The following DAB2IP variants were observed in gnomAD, a reference collection of about 807,000 sequenced individuals.
DAB2IP encodes the protein disabled homolog 2-interacting protein.
Under a neutral mutation model 107.2 loss-of-function variants are expected in DAB2IP, and 28 were observed. That is an observed-to-expected ratio of 0.26 (90% CI 0.19 to 0.36). The LOEUF (loss-of-function observed/expected upper bound fraction) is 0.36. Ranked by LOEUF, DAB2IP falls within the 10% of genes least tolerant of loss-of-function variation. The pLI is 1.00. For synonymous variants in DAB2IP, 755 were observed against 706.4 expected, an observed-to-expected ratio of 1.07 and a Z score of -1.09; for missense variants, 1,400 against 1,644.7, an observed-to-expected ratio of 0.85 and a Z score of 2.57.
intron 14 of DAB2IP, among the ~76,000 whole-genome samples, chr9:121,780,351 G>A (rs572735684): frequency 6.6e-6 from 1 of 152,134 alleles, no homozygotes; most frequent in South Asian, 2.1e-4. Context: ...CGCCACCACC[G>A]CTCCTCCCAG....
upstream of DAB2IP, among the ~76,000 whole-genome samples, chr9:121,647,473 C>T (rs1467628076): frequency 2.0e-5 from 3 of 152,224 alleles, no homozygotes; most frequent in African/African-American, 7.2e-5. Flanking sequence ...GGTGCCCCTG[C>T]TGACCCACCC....
At chr9:121,583,608 G>C (rs1193688478) in intron 1 of DAB2IP, among the ~76,000 whole-genome samples, 1 of 136,034 alleles carries the variant, frequency 7.4e-6, no homozygotes, top group African/African-American at 2.7e-5. Context: ...TTGCTGGCAG[G>C]CCCCTCTACA....
At chr9:121,663,808 G>A (rs376050675) in intron 1 of DAB2IP, among the ~76,000 whole-genome samples, 2 of 152,260 alleles carry the variant, frequency 1.3e-5, no homozygotes, top group Non-Finnish European at 2.9e-5. Flanking sequence ...CGCGAACTCA[G>A]CTTCCTGAGT....
chr9:121,710,651 T>G (rs1387951276), intron 3 of DAB2IP, among the ~76,000 whole-genome samples: 1 of 152,152 alleles, frequency 6.6e-6, no homozygotes, highest in Non-Finnish European at 1.5e-5. Context: ...AGCACTTCCC[T>G]TCCTCCAAGG....
intron 1 of DAB2IP, among the ~76,000 whole-genome samples, chr9:121,640,881 G>A (rs1832263017): frequency 6.6e-6 from 1 of 152,170 alleles, no homozygotes; most frequent in African/African-American, 2.4e-5. Context: ...TACTTTCTCA[G>A]GGCAATGGGG....
At chr9:121,664,817 A>G (rs1833351557) in intron 1 of DAB2IP, among the ~76,000 whole-genome samples, 2 of 152,214 alleles carry the variant, frequency 1.3e-5, no homozygotes, top group Non-Finnish European at 2.9e-5. Context: ...TCCTAGTGCT[A>G]TTGTAGAACA....
At chr9:121,614,485 C>A (rs1023507821) in intron 1 of DAB2IP, among the ~76,000 whole-genome samples, 3 of 150,446 alleles carry the variant, frequency 2.0e-5, no homozygotes, top group African/African-American at 7.3e-5. Flanking sequence ...GGATTACAGG[C>A]ATGTGCCACC....
chr9:121,679,274 A>T (rs1334968031), intron 2 of DAB2IP, among the ~76,000 whole-genome samples: 1 of 152,194 alleles, frequency 6.6e-6, no homozygotes, highest in African/African-American at 2.4e-5. Flanking sequence ...AACACAGAAT[A>T]TATATCATAG....
chr9:121,592,233 G>C (rs1009417321), intron 1 of DAB2IP, among the ~76,000 whole-genome samples: 3 of 152,134 alleles, frequency 2.0e-5, no homozygotes, highest in African/African-American at 7.2e-5. Flanking sequence ...GGGCATGGTG[G>C]TACGCACCTG....
At chr9:121,781,005 G>A (rs915086468) in intron 14 of DAB2IP, among the ~76,000 whole-genome samples, 2 of 152,222 alleles carry the variant, frequency 1.3e-5, no homozygotes, top group Non-Finnish European at 2.9e-5. Context: ...CCTGCCTTGT[G>A]AACTCCTTGA....
At chr9:121,643,524 C>T (rs182227258) in intron 1 of DAB2IP, among the ~76,000 whole-genome samples, 1 of 152,134 alleles carries the variant, frequency 6.6e-6, no homozygotes, top group Non-Finnish European at 1.5e-5. Context: ...TCCTCTGCTC[C>T]AGCCTCACCA....
intron 1 of DAB2IP, among the ~76,000 whole-genome samples, chr9:121,665,879 G>T (rs996302265): frequency 6.6e-6 from 1 of 152,200 alleles, no homozygotes; most frequent in Admixed American, 6.5e-5. Flanking sequence ...ATCTGAACCT[G>T]TATCTCTCTA....
chr9:121,783,486 C>T (rs1484602843), exon 16 of DAB2IP: 2 of 1,614,096 alleles, frequency 1.2e-6, no homozygotes, highest in South Asian at 1.1e-5. Flanking sequence ...GATTCTAACG[C>T]CTGCAGGCCC....
chr9:121,732,247 T>C (rs1195803174), intron 3 of DAB2IP, among the ~76,000 whole-genome samples: 1 of 152,212 alleles, frequency 6.6e-6, no homozygotes, highest in East Asian at 1.9e-4. Context: ...GTCTCACTGC[T>C]TGTTCGAGTA....
At chr9:121,759,388 C>T (rs971245979) in intron 5 of DAB2IP, among the ~76,000 whole-genome samples, 1 of 152,174 alleles carries the variant, frequency 6.6e-6, no homozygotes, top group Non-Finnish European at 1.5e-5. Flanking sequence ...CTCTGTGTTC[C>T]CACTGCCCCT....
Position 121,567,443 on chromosome 9 carries a change from T to C in DAB2IP, c.40+215T>C, listed in dbSNP as rs373859727. ...CGGGCAGCCCCTCAGACTCCAGGCATTGACAAGGTCCAGGGGAGGGAGAGA... is the reference window on the plus strand; with the variant it reads ...CGGGCAGCCCCTCAGACTCCAGGCACTGACAAGGTCCAGGGGAGGGAGAGA... On this transcript the variant is annotated intron_variant, in intron 1 of 16. Transcript: ENST00000259371. Among the ~76,000 whole-genome samples the C allele has an allele frequency of 3.2e-4, 49 of 152,276 alleles. 1 individual carries two copies. The East Asian group carries it at 5.6e-3, about 17-fold the overall frequency.
chr9:121,752,442 G>A (rs1393510914), intron 3 of DAB2IP, among the ~76,000 whole-genome samples: 3 of 148,920 alleles, frequency 2.0e-5, no homozygotes, highest in South Asian at 4.1e-4. Context: ...TTACCCACAA[G>A]GAGCCCCCTG....
chr9:121,659,705 A>G (rs2119086632), intron 1 of DAB2IP, among the ~76,000 whole-genome samples: 1 of 152,212 alleles, frequency 6.6e-6, no homozygotes, highest in South Asian at 2.1e-4. Flanking sequence ...GAGGCAGGAG[A>G]ATGGCATGAA....
chr9:121,777,974 C>CT (rs1406688778), intron 14 of DAB2IP, among the ~76,000 whole-genome samples: 6 of 152,170 alleles, frequency 3.9e-5, no homozygotes, highest in African/African-American at 9.7e-5. Flanking sequence ...TATGGTATAG[C>CT]TTTTTTTATC....
Sources: allele counts gnomAD v4.1 joint callset (sites outside exome capture counted in the v4.1 genomes callset), GRCh38; gene constraint gnomAD v4.1.1; transcripts MANE v1.5; gene names NCBI Gene and HGNC (gene_info 2026-07-23, HGNC 2026-07-21).